The following DDX10 variants were observed in gnomAD, a reference collection of about 807,000 sequenced individuals.
DDX10 encodes DEAD-box helicase 10.
Under a neutral mutation model 104.3 loss-of-function variants are expected in DDX10, and 74 were observed. The observed-to-expected ratio is 0.71, with a 90% CI of 0.59 to 0.86. The LOEUF is 0.86. Ranked by LOEUF, DDX10 falls within the 40% of genes least tolerant of loss-of-function variation. The pLI is 0.00. For missense variants in DDX10, 952 were observed against 1,040.0 expected (o/e 0.92, Z 1.16); for synonymous variants, 351 against 353.4 (o/e 0.99, Z 0.08).
At chr11:108,816,500 C>T (rs531071062) in intron 13 of DDX10, among the ~76,000 whole-genome samples, 1 of 152,016 alleles carries the variant, frequency 6.6e-6, no homozygotes, top group South Asian at 2.1e-4. Flanking sequence ...CCACATTGTT[C>T]ACTTACTGCC....
At chr11:108,737,596 T>C (rs1384024520) in intron 13 of DDX10, among the ~76,000 whole-genome samples, 1 of 152,218 alleles carries the variant, frequency 6.6e-6, no homozygotes, top group Non-Finnish European at 1.5e-5. Flanking sequence ...CCCTGGACTA[T>C]ATAAGAAGAA....
chr11:108,810,178 T>C (rs1044636664), intron 13 of DDX10, among the ~76,000 whole-genome samples: 13 of 152,176 alleles, frequency 8.5e-5, no homozygotes, highest in Admixed American at 4.6e-4. Context: ...TGTATGGGCA[T>C]GGAGAAGGAG....
chr11:108,935,709 A>G (rs1278519731), intron 17 of DDX10, among the ~76,000 whole-genome samples: 1 of 152,196 alleles, frequency 6.6e-6, no homozygotes, highest in Non-Finnish European at 1.5e-5. Flanking sequence ...CATATGATCC[A>G]TGGAGCACCA....
chr11:108,899,993 A>G (rs1023558735), intron 16 of DDX10, among the ~76,000 whole-genome samples: 6 of 152,044 alleles, frequency 3.9e-5, no homozygotes, highest in Admixed American at 3.9e-4. Flanking sequence ...CATGCCTGTA[A>G]TCCCAGCTAC....
chr11:108,675,438 CA>C (rs35551630), intron 2 of DDX10, among the ~76,000 whole-genome samples, 157 bp from the exon 3 acceptor site: 18,547 of 152,032 alleles, frequency 0.12, 1,529 homozygotes, highest in East Asian at 0.27. Flanking sequence ...CTAACTTAAT[CA>C]ACCTCTTTAA....
intron 7 of DDX10, among the ~76,000 whole-genome samples, chr11:108,689,496 A>G (rs757235035): frequency 6.6e-6 from 1 of 151,988 alleles, no homozygotes; most frequent in Non-Finnish European, 1.5e-5. Context: ...ACTTACTTTG[A>G]GGCTAAGTTC....
chr11:108,861,199 A>G (rs1196180326), intron 16 of DDX10, among the ~76,000 whole-genome samples: 2 of 151,958 alleles, frequency 1.3e-5, no homozygotes, highest in Non-Finnish European at 2.9e-5. Context: ...CTCCCAGGCT[A>G]CATCTCTCTC....
chr11:108,710,033 A>G (rs948496855), intron 10 of DDX10, among the ~76,000 whole-genome samples: 12 of 152,214 alleles, frequency 7.9e-5, no homozygotes, highest in Admixed American at 3.9e-4. Flanking sequence ...ACTGTGGGCA[A>G]TTGAACACAA....
At chr11:108,713,060 G>A (rs1385253909) in intron 10 of DDX10, among the ~76,000 whole-genome samples, 1 of 152,032 alleles carries the variant, frequency 6.6e-6, no homozygotes, top group Non-Finnish European at 1.5e-5. Context: ...CTATAGATGA[G>A]GTGCCCCCCG....
intron 9 of DDX10, among the ~76,000 whole-genome samples, chr11:108,699,389 G>A (rs1331472747): frequency 6.6e-6 from 1 of 152,130 alleles, no homozygotes; most frequent in Non-Finnish European, 1.5e-5. Context: ...CTGTAATGAA[G>A]GTGTCAGATG....
At chr11:108,793,026 G>A (rs2615718) in intron 13 of DDX10, among the ~76,000 whole-genome samples, 8 of 152,028 alleles carry the variant, frequency 5.3e-5, no homozygotes, top group Non-Finnish European at 8.8e-5. Context: ...TCTAGAAATC[G>A]ATGACCTGAT....
Position 108,723,170 on chromosome 11 carries a change from T to A in DDX10, c.1673T>A (p.Ile558Asn), listed in dbSNP as rs764486363. The A allele has an allele frequency of 4.3e-6, 7 of 1,613,740 alleles. No homozygotes were observed. In the South Asian group the frequency reaches 7.7e-5, roughly 18 times the overall value. ...GCCTACTTCAATGAGAAAATGTCCA[T>A]CCTTCAAAAAGGTGGAAAAAGACTC... ...FRAYFNEKMS[I>N]LQKGGKRLEG... Residue 558 changes from isoleucine to asparagine, a missense_variant, in exon 13 of 18, where the codon ATC (isoleucine) becomes AAC (asparagine). Coordinates refer to ENST00000322536, the MANE Select transcript of DDX10 (RefSeq NM_004398.4).
chr11:108,796,749 G>T (rs1050808860), intron 13 of DDX10, among the ~76,000 whole-genome samples: 4 of 152,200 alleles, frequency 2.6e-5, no homozygotes, highest in Admixed American at 2.6e-4. Flanking sequence ...GATCCCTGAT[G>T]TGGAGGGAGG....
At chr11:108,810,410 C>T (rs1862163193) in intron 13 of DDX10, among the ~76,000 whole-genome samples, 1 of 151,912 alleles carries the variant, frequency 6.6e-6, no homozygotes, top group Non-Finnish European at 1.5e-5. Flanking sequence ...TGATGACAAT[C>T]TGTGTGGAGA....
At chr11:108,779,874 C>A (rs2094375820) in intron 13 of DDX10, among the ~76,000 whole-genome samples, 1 of 151,946 alleles carries the variant, frequency 6.6e-6, no homozygotes, top group South Asian at 2.1e-4. Flanking sequence ...TAAACTGGAG[C>A]AAAATTCCTG....
chr11:108,852,049 T>C, intron 15 of DDX10, 104 bp from the exon 16 acceptor site: 1 of 845,128 alleles, frequency 1.2e-6, no homozygotes, highest in Non-Finnish European at 1.9e-6. Context: ...GAAAAATGAA[T>C]GTCATATATT....
intron 16 of DDX10, among the ~76,000 whole-genome samples, chr11:108,900,633 A>G (rs1178572899): frequency 6.6e-6 from 1 of 152,200 alleles, no homozygotes; most frequent in African/African-American, 2.4e-5. Flanking sequence ...ATTTACCTAA[A>G]GTTGCACAAC....
intron 13 of DDX10, among the ~76,000 whole-genome samples, chr11:108,790,897 C>T (rs1013851775): frequency 6.6e-6 from 1 of 152,206 alleles, no homozygotes; most frequent in African/African-American, 2.4e-5. Flanking sequence ...GTTGTCTTCA[C>T]ATTGCCCTAA....
chr11:108,860,068 T>C (rs1183315253), intron 16 of DDX10, among the ~76,000 whole-genome samples: 1 of 152,170 alleles, frequency 6.6e-6, no homozygotes, highest in Non-Finnish European at 1.5e-5. Context: ...CTGTTGCTTA[T>C]GTGAAGAAAA....
Sources: gnomAD v4.1 joint callset for allele counts (sites outside exome capture counted in the v4.1 genomes callset) on GRCh38, gnomAD v4.1.1 for gene constraint, MANE v1.5 for transcripts, NCBI Gene and HGNC (gene_info 2026-07-23, HGNC 2026-07-21) for gene names.